Variants in CACNA1E observed in about 807,000 individuals in gnomAD.
CACNA1E encodes the protein calcium voltage-gated channel subunit alpha1 E.
Under a neutral mutation model 259.2 loss-of-function variants are expected in CACNA1E, and 40 were observed. The ratio of observed to expected loss-of-function variants is 0.15; its 90% confidence interval spans 0.12 to 0.20. The LOEUF is 0.20. CACNA1E is among the 10% of genes least tolerant of loss of function. The pLI is 1.00. For synonymous variants in CACNA1E, 1,104 were observed against 1,138.5 expected (o/e 0.97, Z 0.61); for missense variants, 1,874 against 3,040.1 (o/e 0.62, Z 9.02).
chr1:181,641,843 A>G (rs1385776336), intron 6 of CACNA1E, among the ~76,000 whole-genome samples: 1 of 149,360 alleles, frequency 6.7e-6, no homozygotes, highest in African/African-American at 2.5e-5. Flanking sequence ...CCTCCTGAGT[A>G]GCTGGGACTA....
intron 1 of CACNA1E, among the ~76,000 whole-genome samples, chr1:181,486,517 T>C (rs1356538618): frequency 1.3e-5 from 2 of 152,246 alleles, no homozygotes; most frequent in Non-Finnish European, 2.9e-5. Flanking sequence ...CCAAGTATCT[T>C]GCTTTGTCTT....
At chr1:181,647,735 C>T (rs1658415818) in intron 6 of CACNA1E, among the ~76,000 whole-genome samples, 1 of 152,100 alleles carries the variant, frequency 6.6e-6, no homozygotes, top group East Asian at 1.9e-4. Context: ...AGAACCATGC[C>T]ATTTTGAAAA....
chr1:181,492,100 A>G (rs1664367089), intron 1 of CACNA1E, among the ~76,000 whole-genome samples: 1 of 152,218 alleles, frequency 6.6e-6, no homozygotes, highest in Non-Finnish European at 1.5e-5. Context: ...TTTCTGTATT[A>G]CTTGATGCAG....
Position 181,748,985 on chromosome 1 carries a change from G to C in CACNA1E, c.3720-1491G>C, listed in dbSNP as rs934833100. On this transcript the variant is annotated intron_variant, in intron 25 of 47. Transcript: ENST00000367573. ...AGAAGATGCTGGGGAAGATATTTCT[G>C]TCCTCTGAACATTTAGAGGTTATCA... Among the ~76,000 whole-genome samples, 9 of 152,170 alleles carry C rather than the reference G, an allele frequency of 5.9e-5. 1 individual carries two copies. The highest frequency in any genetic ancestry group is 8.8e-5 in the Non-Finnish European group (6 of 68,032).
rs555251892 is a variant in CACNA1E at position 181,370,514 on chromosome 1, A to C, written c.-14-42619A>C. ...ACTCAATGTTTGGCTCCCGCTTATAAGTGAGAACATGTGGTATTTGGTTTT... is the reference window on the plus strand; with the variant it reads ...ACTCAATGTTTGGCTCCCGCTTATACGTGAGAACATGTGGTATTTGGTTTT... On this transcript the variant is annotated intron_variant, in intron 1 of 11. Transcript: ENST00000524607. Among the ~76,000 whole-genome samples the C allele has an allele frequency of 6.2e-4, 95 of 152,310 alleles. 1 individual carries two copies. The highest frequency in any genetic ancestry group is 2.3e-3 in the African/African-American group (95 of 41,560).
At chr1:181,725,554 TTGCA>T (rs1323428270) in intron 17 of CACNA1E, among the ~76,000 whole-genome samples, 1 of 152,234 alleles carries the variant, frequency 6.6e-6, no homozygotes, top group Non-Finnish European at 1.5e-5. Flanking sequence ...GAGGGGACAC[TTGCA>T]GGAATGCTGC....
intron 1 of CACNA1E, among the ~76,000 whole-genome samples, chr1:181,318,641 T>A (rs1270077060): frequency 2.6e-5 from 4 of 152,186 alleles, no homozygotes; most frequent in Non-Finnish European, 4.4e-5. Flanking sequence ...GGAAGTTTTG[T>A]GCGCGGATCG....
chr1:181,477,580 A>C, intron 2 of CACNA1E, among the ~76,000 whole-genome samples: 1 of 150,970 alleles, frequency 6.6e-6, no homozygotes, highest in Middle Eastern at 3.4e-3. Context: ...GGTCTCTACT[A>C]TTTTTTTTTC....
chr1:181,680,795 T>A (rs1649883890), intron 7 of CACNA1E, among the ~76,000 whole-genome samples: 1 of 152,128 alleles, frequency 6.6e-6, no homozygotes, highest in Non-Finnish European at 1.5e-5. Flanking sequence ...ACCTTCCTTC[T>A]CCCCTAGATT....
intron 1 of CACNA1E, among the ~76,000 whole-genome samples, chr1:181,486,155 T>C (rs533706368): frequency 6.6e-5 from 10 of 152,230 alleles, no homozygotes; most frequent in Non-Finnish European, 1.0e-4. Context: ...CCTTTCCTTG[T>C]CTTTGGCCAA....
chr1:181,351,775 A>G (rs1653061365), intron 1 of CACNA1E, among the ~76,000 whole-genome samples: 1 of 152,136 alleles, frequency 6.6e-6, no homozygotes, highest in South Asian at 2.1e-4. Flanking sequence ...TCTCGTAAGG[A>G]TATTTGTGAT....
chr1:181,727,112 T>A (rs1171427256), intron 18 of CACNA1E, among the ~76,000 whole-genome samples: 1 of 152,208 alleles, frequency 6.6e-6, no homozygotes, highest in Non-Finnish European at 1.5e-5. Context: ...GTTACCTGCA[T>A]CTGGAGCTCA....
At chr1:181,654,702 G>T (rs1659045306) in intron 7 of CACNA1E, among the ~76,000 whole-genome samples, 1 of 152,124 alleles carries the variant, frequency 6.6e-6, no homozygotes, top group African/African-American at 2.4e-5. Flanking sequence ...AAGATATCTT[G>T]GGCGGGGCGC....
At chr1:181,455,060 A>AT (rs536093113) in intron 2 of CACNA1E, among the ~76,000 whole-genome samples, 107 of 152,350 alleles carry the variant, frequency 7.0e-4, no homozygotes, top group African/African-American at 2.5e-3. Flanking sequence ...ATAAGGCTAC[A>AT]TTTATTTAAT....
intron 1 of CACNA1E, among the ~76,000 whole-genome samples, chr1:181,384,904 T>G (rs1014877082): frequency 2.7e-5 from 4 of 149,798 alleles, no homozygotes; most frequent in East Asian, 1.9e-4. Context: ...TAAAATAAAA[T>G]AAAAGAAATC....
intron 3 of CACNA1E, among the ~76,000 whole-genome samples, chr1:181,529,157 C>T (rs985037082): frequency 6.6e-6 from 1 of 152,204 alleles, no homozygotes; most frequent in Non-Finnish European, 1.5e-5. Flanking sequence ...GCTGTTCCAG[C>T]TGTGGCTGAA....
chr1:181,738,358 G>A lies in CACNA1E; in HGVS notation c.3553-9G>A, dbSNP rs1558329004. On this transcript the variant is annotated splice_polypyrimidine_tract_variant and intron_variant, in intron 23 of 47. Coordinates refer to ENST00000367573, the MANE Select transcript of CACNA1E (RefSeq NM_001205293.3). ...ATGGTCATTTCCTTCCACCATATGTGTCTTTCAGGTCCTGAGGTATTTTGA... is the reference window on the plus strand; with the variant it reads ...ATGGTCATTTCCTTCCACCATATGTATCTTTCAGGTCCTGAGGTATTTTGA... 5 of 1,612,376 alleles carry A rather than the reference G, an allele frequency of 3.1e-6. No individual in the cohort carries two copies. Among genetic ancestry groups the A allele is most frequent in the East Asian group, 2.2e-5 (1 of 44,884 alleles).
chr1:181,370,938 T>G (rs1472901850), intron 1 of CACNA1E, among the ~76,000 whole-genome samples: 7 of 152,306 alleles, frequency 4.6e-5, no homozygotes. Flanking sequence ...CAACATGTTA[T>G]TTTTTGACTT....
chr1:181,795,111 T>G, intron 46 of CACNA1E, 67 bp downstream of exon 46: 1 of 1,313,454 alleles, frequency 7.6e-7, no homozygotes, highest in Non-Finnish European at 1.1e-6. Context: ...GCACTTACTC[T>G]CCAAGGACTG....
Sources: gnomAD v4.1 joint callset for allele counts (sites outside exome capture counted in the v4.1 genomes callset) on GRCh38, gnomAD v4.1.1 for gene constraint, MANE v1.5 for transcripts, NCBI Gene and HGNC (gene_info 2026-07-23, HGNC 2026-07-21) for gene names.